ANO10: variants seen among roughly 807,000 people sequenced by gnomAD.
ANO10 encodes the protein anoctamin 10, also known as anoctamin-10.
In ANO10, 77 loss-of-function variants were observed where a neutral mutation model predicts 74.7. The observed-to-expected ratio is 1.03, with a 90% CI of 0.86 to 1.25. The LOEUF (loss-of-function observed/expected upper bound fraction) is 1.25, where lower values mean the gene tolerates loss of function less well. Among genes scored for constraint, ANO10 ranks in the 50% most tolerant of loss-of-function variants. The probability of loss-of-function intolerance (pLI) is 0.00; values close to 1 mark genes in which losing one functional copy is unlikely to be tolerated. For missense variants in ANO10, 721 were observed against 778.1 expected (o/e 0.93, Z 0.87); for synonymous variants, 279 against 284.9 (o/e 0.98, Z 0.21).
chr3:43,587,010 C>T (rs2081509783), intron 4 of ANO10, among the ~76,000 whole-genome samples: 1 of 152,126 alleles, frequency 6.6e-6, no homozygotes, highest in Non-Finnish European at 1.5e-5. Flanking sequence ...ACAGAGCAAA[C>T]ACAACCAAAT....
chr3:43,567,863 G>T (rs961296163), intron 7 of ANO10, among the ~76,000 whole-genome samples: 6 of 152,042 alleles, frequency 3.9e-5, no homozygotes, highest in African/African-American at 9.7e-5. Flanking sequence ...TGGACTAAAT[G>T]CTCCAATTAA....
At chr3:43,563,888 G>A (rs191430480) in intron 8 of ANO10, among the ~76,000 whole-genome samples, 3 of 152,066 alleles carry the variant, frequency 2.0e-5, no homozygotes, top group Admixed American at 6.6e-5. Flanking sequence ...GAAGCTGATC[G>A]AGAGGTACAA....
intron 3 of ANO10, among the ~76,000 whole-genome samples, chr3:43,599,216 A>G (rs1226153998): frequency 1.3e-5 from 2 of 152,232 alleles, no homozygotes; most frequent in East Asian, 1.9e-4. Context: ...TTATTCACTC[A>G]GGTATAAAAA....
At chr3:43,679,388 A>G (rs2084164971) in intron 1 of ANO10, among the ~76,000 whole-genome samples, 1 of 152,174 alleles carries the variant, frequency 6.6e-6, no homozygotes, top group Non-Finnish European at 1.5e-5. Context: ...CAGCGAGGCT[A>G]GGGGAGGGGT....
At chr3:43,685,242 TTTC>T (rs1445707883) in intron 1 of ANO10, among the ~76,000 whole-genome samples, 3 of 152,218 alleles carry the variant, frequency 2.0e-5, no homozygotes, top group Admixed American at 6.5e-5. Flanking sequence ...TTATTTTCTT[TTTC>T]TTCTTATCAG....
intron 11 of ANO10, among the ~76,000 whole-genome samples, chr3:43,511,945 G>T (rs2077522941): frequency 6.6e-6 from 1 of 152,112 alleles, no homozygotes; most frequent in South Asian, 2.1e-4. Flanking sequence ...GAGGTCCATG[G>T]TACAAGGGCC....
Position 43,594,397 on chromosome 3 carries a change from T to A in ANO10, c.472+4135A>T, listed in dbSNP as rs182011384. ...CTCAGCAAATGAAAAAGAACAGAAA[T>A]TATAAAAAACTGTCTCTCAGACCAC... On this transcript the variant is annotated intron_variant, in intron 4 of 12. Transcript: ENST00000292246. Among the ~76,000 whole-genome samples, 1,149 of 152,184 alleles carry A rather than the reference T, an allele frequency of 7.6e-3. 15 individuals are homozygous for A. Among genetic ancestry groups the A allele is most frequent in the African/African-American group, 0.025 (1,037 of 41,520 alleles).
chr3:43,424,134 T>C (rs552668001), intron 12 of ANO10, among the ~76,000 whole-genome samples: 129 of 152,252 alleles, frequency 8.5e-4, no homozygotes, highest in Non-Finnish European at 1.3e-3. Context: ...CATTTGAGTG[T>C]TGGGGGGACT....
chr3:43,487,132 C>T (rs914303541), intron 11 of ANO10, among the ~76,000 whole-genome samples: 1 of 148,876 alleles, frequency 6.7e-6, no homozygotes, highest in Non-Finnish European at 1.5e-5. Context: ...ATTGAACCAG[C>T]CTTGCATCCC....
At chr3:43,635,044 GGGGCAGAAGGAT>G (rs2083591299) in intron 1 of ANO10, among the ~76,000 whole-genome samples, 1 of 152,120 alleles carries the variant, frequency 6.6e-6, no homozygotes, top group African/African-American at 2.4e-5. Context: ...CCATGGAGCT[GGGGCAGAAGGAT>G]GATGAGGAAA....
intron 9 of ANO10, among the ~76,000 whole-genome samples, chr3:43,558,653 A>G (rs768079034): frequency 6.6e-6 from 1 of 152,234 alleles, no homozygotes; most frequent in African/African-American, 2.4e-5. Flanking sequence ...CACATATAAC[A>G]GTCAGGATGA....
At chr3:43,661,154 A>G (rs2083921124) in intron 1 of ANO10, among the ~76,000 whole-genome samples, 1 of 152,190 alleles carries the variant, frequency 6.6e-6, no homozygotes, top group South Asian at 2.1e-4. Flanking sequence ...ACAGTCAGAG[A>G]GAAAGATTGG....
In ANO10 at chr3:43,555,426, TA is replaced by T. The variant is rs1298679975; in HGVS notation, c.1519del (p.Tyr507MetfsTer2). The T allele has an allele frequency of 6.2e-7, 1 of 1,614,120 alleles. No individual in the cohort carries two copies. Among genetic ancestry groups the T allele is most frequent in the Non-Finnish European group, 8.5e-7 (1 of 1,180,012 alleles). ...DYLELFLQFG[Y>X]VSLFSCVYPL... ...GTAAACACAGGAGAAAAGGCTCACA[TA>T]ACCAAACTGCAGGAATAACTCCAAG... On this transcript the variant is annotated frameshift_variant, in exon 10 of 13. Coordinates refer to ENST00000292246, the MANE Select transcript of ANO10 (RefSeq NM_018075.5). LOFTEE classifies it high-confidence loss of function.
At chr3:43,681,763 G>C (rs1211768810) in intron 1 of ANO10, among the ~76,000 whole-genome samples, 1 of 152,164 alleles carries the variant, frequency 6.6e-6, no homozygotes, top group Non-Finnish European at 1.5e-5. Flanking sequence ...CTAGAACTCA[G>C]GATTAAGAAA....
At chr3:43,531,705 C>T (rs1318150810) in intron 11 of ANO10, among the ~76,000 whole-genome samples, 1 of 152,006 alleles carries the variant, frequency 6.6e-6, no homozygotes, top group Non-Finnish European at 1.5e-5. Context: ...ACCAGCCTAG[C>T]TAACATGGTG....
At chr3:43,538,414 G>T (rs1025082766) in intron 11 of ANO10, among the ~76,000 whole-genome samples, 1 of 152,184 alleles carries the variant, frequency 6.6e-6, no homozygotes, top group African/African-American at 2.4e-5. Flanking sequence ...TATTTTCTTT[G>T]TATCTCCAGC....
chr3:43,393,675 A>G (rs2092321517), intron 12 of ANO10, among the ~76,000 whole-genome samples: 2 of 152,044 alleles, frequency 1.3e-5, no homozygotes, highest in Non-Finnish European at 2.9e-5. Context: ...CCATGGGCAC[A>G]TATTTTCATT....
chr3:43,455,366 G>A (rs2075078363), intron 11 of ANO10, among the ~76,000 whole-genome samples: 1 of 152,202 alleles, frequency 6.6e-6, no homozygotes, highest in Non-Finnish European at 1.5e-5. Context: ...TATGACTGTG[G>A]AGGTGGGAGG....
chr3:43,472,173 T>A (rs2075882630), intron 11 of ANO10, among the ~76,000 whole-genome samples: 1 of 152,178 alleles, frequency 6.6e-6, no homozygotes, highest in South Asian at 2.1e-4. Context: ...TCCATTTATA[T>A]GATACTCTGA....
Sources: allele counts gnomAD v4.1 joint callset (sites outside exome capture counted in the v4.1 genomes callset), GRCh38; gene constraint gnomAD v4.1.1; transcripts MANE v1.5; gene names NCBI Gene and HGNC (gene_info 2026-07-23, HGNC 2026-07-21).